The following EXOC4 variants were observed in gnomAD, a reference collection of about 807,000 sequenced individuals.
EXOC4 encodes exocyst complex component 4, also known as SEC8-like 1.
In EXOC4, 71 loss-of-function variants were observed where a neutral mutation model predicts 107.2. The ratio of observed to expected loss-of-function variants is 0.66; its 90% CI spans 0.55 to 0.81. The LOEUF is 0.81. Among genes scored for constraint, EXOC4 ranks in the 30% least tolerant of loss-of-function variants. The pLI is 0.00. For synonymous variants in EXOC4, 456 were observed against 441.2 expected (o/e 1.03, Z -0.42); for missense variants, 1,108 against 1,189.6 (o/e 0.93, Z 1.01).
At chr7:133,790,976 A>T (rs1275467109) in intron 10 of EXOC4, among the ~76,000 whole-genome samples, 1 of 152,222 alleles carries the variant, frequency 6.6e-6, no homozygotes, top group Non-Finnish European at 1.5e-5. Context: ...ACAAATATCT[A>T]CTTTAGTTGT....
At chr7:133,344,781 T>G (rs1186132368) in intron 5 of EXOC4, among the ~76,000 whole-genome samples, 3 of 152,222 alleles carry the variant, frequency 2.0e-5, no homozygotes, top group African/African-American at 7.2e-5. Context: ...CTCTGATGGT[T>G]TTAGATCAAC....
intron 9 of EXOC4, among the ~76,000 whole-genome samples, chr7:133,597,164 C>T (rs1372868293): frequency 6.6e-6 from 1 of 152,198 alleles, no homozygotes; most frequent in East Asian, 1.9e-4. Flanking sequence ...CTGCAAGTAG[C>T]AAAGACCTAA....
intron 11 of EXOC4, among the ~76,000 whole-genome samples, chr7:133,866,758 A>C (rs1302744125): frequency 6.6e-6 from 1 of 152,232 alleles, no homozygotes; most frequent in Admixed American, 6.5e-5. Flanking sequence ...ATAAAAATAA[A>C]AATTACTTAT....
chr7:133,716,623 G>A (rs1795004533), intron 10 of EXOC4, among the ~76,000 whole-genome samples: 1 of 152,134 alleles, frequency 6.6e-6, no homozygotes. Context: ...TGTAATTATA[G>A]GATTTATTTG....
chr7:134,010,003 G>C (rs1794728263), intron 17 of EXOC4: 1 of 152,022 alleles, frequency 6.6e-6, no homozygotes, highest in Admixed American at 6.6e-5. Flanking sequence ...CCAGGAAGTA[G>C]GTACAAGTGG....
chr7:133,606,644 AG>A (rs1214667877), intron 9 of EXOC4, among the ~76,000 whole-genome samples: 1 of 151,478 alleles, frequency 6.6e-6, no homozygotes, highest in African/African-American at 2.4e-5. Flanking sequence ...CCTCCTGAGT[AG>A]CTAGGATTAT....
chr7:134,033,583 C>T (rs536188392), intron 17 of EXOC4, among the ~76,000 whole-genome samples: 73 of 151,906 alleles, frequency 4.8e-4, no homozygotes, highest in Non-Finnish European at 9.4e-4. Flanking sequence ...AATTGGAGTC[C>T]GAGGAAAAGA....
At chr7:133,539,712 T>C (rs1465806873) in intron 9 of EXOC4, among the ~76,000 whole-genome samples, 1 of 152,080 alleles carries the variant, frequency 6.6e-6, no homozygotes, top group African/African-American at 2.4e-5. Context: ...TTTTTAAGTA[T>C]AGGAAAGGAA....
intron 10 of EXOC4, among the ~76,000 whole-genome samples, chr7:133,739,222 TTGTGTG>T (rs72444310): frequency 1.0e-3 from 146 of 142,408 alleles, no homozygotes; most frequent in Middle Eastern, 3.5e-3. Context: ...GTAGAGGGGT[TTGTGTG>T]TGTGTGTGTG....
At chr7:133,750,298 C>T (rs1195439433) in intron 10 of EXOC4, among the ~76,000 whole-genome samples, 1 of 152,010 alleles carries the variant, frequency 6.6e-6, no homozygotes, top group East Asian at 1.9e-4. Flanking sequence ...ATATTTAGAT[C>T]TCGATGTGTT....
chr7:133,844,367 C>A (rs1798080924), intron 11 of EXOC4, among the ~76,000 whole-genome samples: 1 of 146,220 alleles, frequency 6.8e-6, no homozygotes, highest in East Asian at 2.0e-4. Flanking sequence ...TTCTTGGATT[C>A]CCACATATTC....
intron 9 of EXOC4, among the ~76,000 whole-genome samples, chr7:133,617,621 G>T (rs983238938): frequency 6.6e-6 from 1 of 152,134 alleles, no homozygotes. Flanking sequence ...AACCTGGGGA[G>T]TCTGACAGAA....
At chr7:133,257,078 G>C (rs183875570) in intron 1 of EXOC4, among the ~76,000 whole-genome samples, 1 of 152,214 alleles carries the variant, frequency 6.6e-6, no homozygotes, top group Non-Finnish European at 1.5e-5. Context: ...ATGTTTCAAA[G>C]GGTGGACTTC....
chr7:133,442,528 G>C (rs186552249), intron 7 of EXOC4, among the ~76,000 whole-genome samples: 2 of 152,278 alleles, frequency 1.3e-5, no homozygotes, highest in Admixed American at 1.3e-4. Context: ...AAACACCCTC[G>C]AGGCATGAAG....
At chr7:133,387,737 C>A (rs1012424407) in intron 7 of EXOC4, among the ~76,000 whole-genome samples, 15 of 152,012 alleles carry the variant, frequency 9.9e-5, no homozygotes, top group African/African-American at 3.4e-4. Flanking sequence ...TTATTTTAAT[C>A]TTGCTGGGAG....
At chr7:133,518,467 T>A (rs1799921910) in intron 9 of EXOC4, among the ~76,000 whole-genome samples, 1 of 151,906 alleles carries the variant, frequency 6.6e-6, no homozygotes, top group South Asian at 2.1e-4. Flanking sequence ...GTTTCTTTCC[T>A]GAGGAAATTG....
intron 14 of EXOC4, among the ~76,000 whole-genome samples, chr7:133,985,440 G>GT (rs1794092230): frequency 6.6e-6 from 1 of 152,148 alleles, no homozygotes; most frequent in African/African-American, 2.4e-5. Flanking sequence ...ATGGCCTGCT[G>GT]TAACTCTAAG....
chr7:133,431,922 C>A (rs970777647), intron 7 of EXOC4, among the ~76,000 whole-genome samples: 6 of 152,140 alleles, frequency 3.9e-5, no homozygotes, highest in Non-Finnish European at 7.4e-5. Flanking sequence ...AAACTCATTC[C>A]AGGGAGCAGA....
intron 9 of EXOC4, among the ~76,000 whole-genome samples, chr7:133,610,730 T>A (rs1395595719): frequency 6.6e-6 from 1 of 152,118 alleles, no homozygotes; most frequent in Non-Finnish European, 1.5e-5. Flanking sequence ...CACAAGTGTT[T>A]CCATGTTACA....
Sources: gnomAD v4.1 joint callset for allele counts (sites outside exome capture counted in the v4.1 genomes callset) on GRCh38, gnomAD v4.1.1 for gene constraint, MANE v1.5 for transcripts, NCBI Gene and HGNC (gene_info 2026-07-23, HGNC 2026-07-21) for gene names.